Variants in GPC6 observed in about 807,000 individuals in gnomAD.
The protein encoded by GPC6 is glypican 6.
A neutral mutation model predicts 55.2 loss-of-function variants in GPC6; 14 were observed. The observed-to-expected ratio is 0.25, with a 90% CI of 0.17 to 0.40. The LOEUF is 0.40. Among genes scored for constraint, GPC6 ranks in the 10% least tolerant of loss-of-function variants. The pLI is 1.00. For synonymous variants in GPC6, 278 were observed against 259.6 expected, an observed-to-expected ratio of 1.07 and a Z score of -0.68; for missense variants, 641 against 708.5, an observed-to-expected ratio of 0.90 and a Z score of 1.08.
At chr13:93,354,701 G>A (rs201574294) in intron 1 of GPC6, among the ~76,000 whole-genome samples, 3 of 55,470 alleles carry the variant, frequency 5.4e-5, no homozygotes, top group South Asian at 7.5e-4. Flanking sequence ...AAATCCTAAC[G>A]TGTTATATGT....
intron 1 of GPC6, among the ~76,000 whole-genome samples, chr13:93,229,681 G>A (rs999675306): frequency 1.3e-5 from 2 of 150,538 alleles, no homozygotes; most frequent in African/African-American, 4.9e-5. Flanking sequence ...TACAGTGTTT[G>A]CTTATTAGCT....
chr13:93,647,961 A>G (rs1880245477), intron 2 of GPC6, among the ~76,000 whole-genome samples: 2 of 152,122 alleles, frequency 1.3e-5, no homozygotes, highest in South Asian at 2.1e-4. Context: ...CTTGCTGCCT[A>G]AACACGGGAG....
At chr13:93,655,351 T>C (rs1880616734) in intron 2 of GPC6, among the ~76,000 whole-genome samples, 1 of 152,086 alleles carries the variant, frequency 6.6e-6, no homozygotes, top group Admixed American at 6.5e-5. Context: ...TCCTGCAGGA[T>C]CCAACAAGGA....
At chr13:93,803,787 G>A (rs919629779) in intron 2 of GPC6, among the ~76,000 whole-genome samples, 2 of 152,116 alleles carry the variant, frequency 1.3e-5, no homozygotes, top group African/African-American at 4.8e-5. Flanking sequence ...CTGCAATATG[G>A]ATGAACTTCA....
At chr13:94,109,802 C>G (rs1225975382) in intron 4 of GPC6, among the ~76,000 whole-genome samples, 1 of 151,932 alleles carries the variant, frequency 6.6e-6, no homozygotes, top group Non-Finnish European at 1.5e-5. Flanking sequence ...GAATTTGTAA[C>G]AATTATAAGG....
intron 1 of GPC6, among the ~76,000 whole-genome samples, chr13:93,389,160 T>C (rs1185583414): frequency 6.6e-6 from 1 of 151,948 alleles, no homozygotes; most frequent in African/African-American, 2.4e-5. Context: ...GAAGGATGAA[T>C]GGGTAGAAAT....
intron 2 of GPC6, among the ~76,000 whole-genome samples, chr13:93,813,712 G>A (rs1213023720): frequency 6.6e-6 from 1 of 151,562 alleles, no homozygotes; most frequent in African/African-American, 2.4e-5. Context: ...TTTTTCAGAT[G>A]TTAAATAACT....
Position 94,114,015 on chromosome 13 carries a change from TA to T in GPC6, c.877+86141del, listed in dbSNP as rs781286249. ...CTGAGTGACAGAACAAGACTCTGTC[TA>T]AAAAAAAAAAAAAAAAAAAGCCCAG... On this transcript the variant is annotated intron_variant, in intron 4 of 8. Coordinates refer to ENST00000377047, the MANE Select transcript of GPC6 (RefSeq NM_005708.5). 3.5e-3 allele frequency among the ~76,000 whole-genome samples: 131 copies of T among 37,434 alleles called. 1 individual carries two copies. The highest frequency in any genetic ancestry group is 7.6e-3 in the African/African-American group (66 of 8,712). The allele number at this position is 37,434 out of a possible 152,430, so 24.6% of individuals were successfully genotyped here.
intron 4 of GPC6, among the ~76,000 whole-genome samples, chr13:94,061,723 C>T (rs536700392): frequency 7.9e-5 from 12 of 151,488 alleles, no homozygotes; most frequent in African/African-American, 2.9e-4. Context: ...CCTCTCTAAC[C>T]TTAAAATAAA....
chr13:94,067,461 C>T (rs2138777342), intron 4 of GPC6, among the ~76,000 whole-genome samples: 1 of 149,378 alleles, frequency 6.7e-6, no homozygotes, highest in African/African-American at 2.5e-5. Flanking sequence ...GAAACATAGG[C>T]CTCTCTCTGT....
At chr13:94,211,186 T>C (rs1890065933) in intron 4 of GPC6, among the ~76,000 whole-genome samples, 1 of 152,202 alleles carries the variant, frequency 6.6e-6, no homozygotes, top group South Asian at 2.1e-4. Context: ...TTTTGTTTTC[T>C]GCACAGCCTA....
intron 4 of GPC6, among the ~76,000 whole-genome samples, chr13:94,213,479 A>T (rs1236227541): frequency 6.6e-6 from 1 of 152,178 alleles, no homozygotes; most frequent in Non-Finnish European, 1.5e-5. Flanking sequence ...ATTTGTTCAT[A>T]ATTTTTGGGA....
At chr13:93,727,269 A>T (rs1471624085) in intron 2 of GPC6, among the ~76,000 whole-genome samples, 2 of 152,120 alleles carry the variant, frequency 1.3e-5, no homozygotes, top group Admixed American at 6.6e-5. Context: ...TCAAATATGG[A>T]CTCTGTTCAG....
intron 4 of GPC6, among the ~76,000 whole-genome samples, chr13:94,189,127 T>C (rs1889299666): frequency 6.6e-6 from 1 of 152,158 alleles, no homozygotes; most frequent in African/African-American, 2.4e-5. Context: ...GGGTAGAAAT[T>C]CAGGAAACTG....
intron 2 of GPC6, 38 bp downstream of exon 2, chr13:93,545,459 G>GTTATAGGTGTTATAT: frequency 6.5e-7 from 1 of 1,546,828 alleles, no homozygotes; most frequent in Non-Finnish European, 8.9e-7. Flanking sequence ...TGTTATAGGT[G>GTTATAGGTGTTATAT]CACTTTTCTA....
chr13:93,598,856 T>C (rs1877883710), intron 2 of GPC6, among the ~76,000 whole-genome samples: 1 of 152,192 alleles, frequency 6.6e-6, no homozygotes. Context: ...AAACTGTAGA[T>C]GTTAATAGCT....
Position 94,369,607 on chromosome 13 carries a change from G to A in GPC6, c.1153-12807G>A, listed in dbSNP as rs551512407. 2.0e-5 allele frequency among the ~76,000 whole-genome samples: 3 copies of A among 152,270 alleles called. No individual in the cohort carries two copies. The East Asian group carries it at 5.8e-4, about 29-fold the overall frequency. ...ATTCCATTTTTAATTAATTTCTCAT[G>A]CTTTTTCCTTAAGCCAAGGTTTTTG... On this transcript the variant is annotated intron_variant, in intron 6 of 8. Transcript: ENST00000377047.
intron 2 of GPC6, among the ~76,000 whole-genome samples, chr13:93,637,297 A>G (rs1176940868): frequency 6.6e-6 from 1 of 152,106 alleles, no homozygotes; most frequent in Admixed American, 6.6e-5. Flanking sequence ...GGCATATCTT[A>G]TAATTATTTG....
At chr13:93,846,988 C>T (rs1888204164) in intron 3 of GPC6, among the ~76,000 whole-genome samples, 1 of 152,118 alleles carries the variant, frequency 6.6e-6, no homozygotes, top group Admixed American at 6.6e-5. Context: ...ATTATTCATA[C>T]ACTTTCTGTT....
Sources: gnomAD v4.1 joint callset for allele counts (sites outside exome capture counted in the v4.1 genomes callset) on GRCh38, gnomAD v4.1.1 for gene constraint, MANE v1.5 for transcripts, NCBI Gene and HGNC (gene_info 2026-07-23, HGNC 2026-07-21) for gene names.